ASIC2: variants seen among roughly 807,000 people sequenced by gnomAD.
The protein encoded by ASIC2 is acid-sensing ion channel 2.
In ASIC2, 25 loss-of-function variants were observed where a neutral mutation model predicts 57.3. That is an observed-to-expected ratio of 0.44 (90% confidence interval 0.32 to 0.61). The LOEUF (loss-of-function observed/expected upper bound fraction) is 0.61, where lower values mean the gene tolerates loss of function less well. ASIC2 is among the 20% of genes least tolerant of loss of function. ASIC2 has a pLI of 0.06. For missense variants in ASIC2, 641 were observed against 738.1 expected (o/e 0.87, Z 1.52); for synonymous variants, 319 against 307.5 (o/e 1.04, Z -0.39).
intron 1 of ASIC2, among the ~76,000 whole-genome samples, chr17:34,044,479 A>C (rs1025166230): frequency 6.6e-6 from 1 of 152,190 alleles, no homozygotes; most frequent in African/African-American, 2.4e-5. Context: ...GTGGGGGAAG[A>C]AGCCCATTTT....
intron 1 of ASIC2, among the ~76,000 whole-genome samples, chr17:33,742,937 T>C (rs1057007808): frequency 7.2e-5 from 11 of 152,218 alleles, no homozygotes; most frequent in Admixed American, 6.5e-4. Flanking sequence ...AGCCTTCTGA[T>C]GAAAATGAGA....
At chr17:33,737,128 T>C (rs1348422199) in intron 1 of ASIC2, among the ~76,000 whole-genome samples, 7 of 152,276 alleles carry the variant, frequency 4.6e-5, no homozygotes, top group Non-Finnish European at 8.8e-5. Flanking sequence ...AATACAAAAA[T>C]GCTGCAACTC....
At chr17:33,917,997 T>G (rs1915625190) in intron 1 of ASIC2, among the ~76,000 whole-genome samples, 1 of 151,922 alleles carries the variant, frequency 6.6e-6, no homozygotes, top group African/African-American at 2.4e-5. Flanking sequence ...AGGTACTGAA[T>G]AACGTGAACT....
intron 1 of ASIC2, among the ~76,000 whole-genome samples, chr17:34,110,502 G>A (rs1911231497): frequency 6.6e-6 from 1 of 152,238 alleles, no homozygotes; most frequent in South Asian, 2.1e-4. Context: ...GCCAGCAGCA[G>A]GCGGGACAAA....
rs143805085 is a variant in ASIC2 at position 33,924,038 on chromosome 17, G to C, written c.555+231940C>G. On this transcript the variant is annotated intron_variant, in intron 1 of 9. Coordinates refer to the ASIC2 transcript ENST00000359872. ...CAGCAGGTCTGAATCCCTGGCCCCT[G>C]CTCCCATCCCTCTCTTTATTTCTGT... Among the ~76,000 whole-genome samples, 441 of 152,342 alleles carry C rather than the reference G, an allele frequency of 2.9e-3. 4 individuals are homozygous for C. Among genetic ancestry groups the C allele is most frequent in the African/African-American group, 0.01 (424 of 41,572 alleles).
At chr17:33,723,948 T>G (rs960863719) in intron 1 of ASIC2, among the ~76,000 whole-genome samples, 4 of 152,160 alleles carry the variant, frequency 2.6e-5, no homozygotes, top group African/African-American at 9.7e-5. Flanking sequence ...TTTACAGGAA[T>G]AGTCAGTGAT....
chr17:34,004,699 C>A (rs972733130), intron 1 of ASIC2: 1 of 152,140 alleles, frequency 6.6e-6, no homozygotes, highest in African/African-American at 2.4e-5. Flanking sequence ...AAAGACTAAA[C>A]CATTGCAGAG....
At chr17:33,342,603 A>G (rs903604681) in intron 1 of ASIC2, among the ~76,000 whole-genome samples, 1 of 152,106 alleles carries the variant, frequency 6.6e-6, no homozygotes, top group Non-Finnish European at 1.5e-5. Flanking sequence ...CCATTGACTA[A>G]GTCCACATTA....
chr17:33,663,705 G>C (rs918276352), intron 1 of ASIC2, among the ~76,000 whole-genome samples: 6 of 152,184 alleles, frequency 3.9e-5, no homozygotes, highest in African/African-American at 1.4e-4. Flanking sequence ...TGGGGACACA[G>C]ACTGTAATTT....
At chr17:33,985,437 A>G (rs1905784759) in intron 1 of ASIC2, among the ~76,000 whole-genome samples, 2 of 152,138 alleles carry the variant, frequency 1.3e-5, no homozygotes, top group African/African-American at 2.4e-5. Context: ...ATCTCTAACA[A>G]GCTCTCAAGA....
chr17:33,841,770 G>T (rs1346057755), intron 1 of ASIC2, among the ~76,000 whole-genome samples: 1 of 152,176 alleles, frequency 6.6e-6, no homozygotes, highest in Non-Finnish European at 1.5e-5. Context: ...GGAAGATCTT[G>T]CTCTTGTGTC....
At chr17:33,931,956 A>G (rs1278091475) in intron 1 of ASIC2, among the ~76,000 whole-genome samples, 1 of 152,220 alleles carries the variant, frequency 6.6e-6, no homozygotes, top group Non-Finnish European at 1.5e-5. Context: ...CTTAGAACTG[A>G]TTAGATGAGA....
chr17:33,519,568 T>C (rs1301617818), intron 1 of ASIC2, among the ~76,000 whole-genome samples: 1 of 151,764 alleles, frequency 6.6e-6, no homozygotes, highest in African/African-American at 2.4e-5. Flanking sequence ...AGTCCAGGAG[T>C]CTCCATGTTA....
chr17:33,301,219 T>A (rs9907763), intron 1 of ASIC2, among the ~76,000 whole-genome samples: 45,294 of 150,030 alleles, frequency 0.3, 6,808 homozygotes, highest in East Asian at 0.41. Flanking sequence ...TTTGTATTTT[T>A]TGGTAGAGAT....
rs150265854 is a variant in ASIC2 at position 33,614,645 on chromosome 17, A to G, written c.556-502578T>C. The stretch of plus-strand genomic sequence containing the variant: ...AAATACCTTTGATGTGAAATCAAAA[A>G]ATACAGAAAAATACAAATAAGAAAG... On this transcript the variant is annotated intron_variant, in intron 1 of 9. Coordinates refer to the ASIC2 transcript ENST00000359872. 4.3e-3 allele frequency among the ~76,000 whole-genome samples: 649 copies of G among 152,378 alleles called. 2 individuals carry two copies. Among genetic ancestry groups the G allele is most frequent in the African/African-American group, 0.015 (624 of 41,588 alleles).
At chr17:33,937,829 T>A (rs1916101864) in intron 1 of ASIC2, among the ~76,000 whole-genome samples, 1 of 152,342 alleles carries the variant, frequency 6.6e-6, no homozygotes, top group South Asian at 2.1e-4. Flanking sequence ...TAGAAAATTT[T>A]TTTTTCTCTT....
chr17:34,144,079 C>T (rs1278186475), intron 1 of ASIC2, among the ~76,000 whole-genome samples: 2 of 152,098 alleles, frequency 1.3e-5, no homozygotes, highest in Non-Finnish European at 2.9e-5. Context: ...CCACCAATTA[C>T]AAGATAAGTG....
chr17:33,145,514 C>T (rs1904524515), intron 1 of ASIC2, among the ~76,000 whole-genome samples: 1 of 152,232 alleles, frequency 6.6e-6, no homozygotes, highest in Non-Finnish European at 1.5e-5. Context: ...GATTAATCTC[C>T]AGGTTACCTC....
intron 1 of ASIC2, among the ~76,000 whole-genome samples, chr17:33,414,054 G>A (rs568809581): frequency 4.5e-4 from 69 of 152,310 alleles, no homozygotes; most frequent in African/African-American, 1.6e-3. Flanking sequence ...TAGCCCGAGA[G>A]TAGGTCCTCC....
Sources: gnomAD v4.1 joint callset for allele counts (sites outside exome capture counted in the v4.1 genomes callset) on GRCh38, gnomAD v4.1.1 for gene constraint, MANE v1.5 for transcripts, NCBI Gene and HGNC (gene_info 2026-07-23, HGNC 2026-07-21) for gene names.